The following LCP1 variants were observed in gnomAD, a reference collection of about 807,000 sequenced individuals.
LCP1 encodes the protein lymphocyte cytosolic protein 1.
In LCP1, 23 loss-of-function variants were observed where a neutral mutation model predicts 72.0. That is an observed-to-expected ratio of 0.32 (90% CI 0.23 to 0.45). The LOEUF (loss-of-function observed/expected upper bound fraction) is 0.45, where lower values mean the gene tolerates loss of function less well. Among genes scored for constraint, LCP1 ranks in the 20% least tolerant of loss-of-function variants. The pLI is 1.00. For missense variants in LCP1, 571 were observed against 748.3 expected (o/e 0.76, Z 2.76); for synonymous variants, 245 against 275.4 (o/e 0.89, Z 1.09).
intron 1 of LCP1, among the ~76,000 whole-genome samples, chr13:46,163,508 C>A (rs1377742173): frequency 2.6e-5 from 4 of 152,120 alleles, no homozygotes; most frequent in African/African-American, 9.7e-5. Flanking sequence ...CGGAAGGCCG[C>A]AGGGTCCTCT....
chr13:46,148,224 GT>G, intron 9 of LCP1, 127 bp downstream of exon 9: 3 of 644,594 alleles, frequency 4.7e-6, no homozygotes, highest in Non-Finnish European at 8.2e-6. Flanking sequence ...CAGTTTTACC[GT>G]TTTAACAGGG....
At chr13:46,150,891 C>A in intron 8 of LCP1, 45 bp downstream of exon 8, 2 of 1,577,272 alleles carry the variant, frequency 1.3e-6, no homozygotes, top group South Asian at 2.3e-5. Context: ...CCCAAATTCC[C>A]CTTCACTCCT....
At chr13:46,134,094 A>C in intron 14 of LCP1, 33 bp downstream of exon 14, 1 of 1,610,736 alleles carries the variant, frequency 6.2e-7, no homozygotes, top group Non-Finnish European at 8.5e-7. Flanking sequence ...CATAGAGCTC[A>C]GATGGCCTCT....
rs939639740 is a variant in LCP1 at position 46,148,861 on chromosome 13, G to A, written c.883-414C>T. The A allele has an allele frequency of 1.1e-5, 8 of 749,922 alleles. No individual in the cohort carries two copies. The South Asian group carries it at 2.4e-4, about 23-fold the overall frequency. 46.5% of individuals were successfully genotyped at this position (749,922 alleles called of 1,614,324 possible). A position where few individuals can be genotyped will look rare whatever the true frequency, so the allele number is the denominator to read the frequency against. On this transcript the variant is annotated intron_variant, in intron 8 of 15. Coordinates refer to ENST00000323076, the MANE Select transcript of LCP1 (RefSeq NM_002298.5). ...GAAAAAGGAAGCACAAGTTTAAAGC[G>A]AGTTTAAAATACATTTAAATGGACA...
intron 4 of LCP1, among the ~76,000 whole-genome samples, chr13:46,157,211 T>C (rs529282228): frequency 1.3e-5 from 2 of 151,220 alleles, no homozygotes; most frequent in South Asian, 4.1e-4. Context: ...TTTCTATATA[T>C]AAATACATAA....
chr13:46,166,491 G>A (rs2045877139), intron 1 of LCP1, among the ~76,000 whole-genome samples: 1 of 152,160 alleles, frequency 6.6e-6, no homozygotes, highest in African/African-American at 2.4e-5. Flanking sequence ...TGATTCAGTA[G>A]TTAAAGTCAA....
At chr13:46,139,254 C>G (rs933036415) in intron 13 of LCP1, among the ~76,000 whole-genome samples, 2 of 152,146 alleles carry the variant, frequency 1.3e-5, no homozygotes, top group African/African-American at 4.8e-5. Flanking sequence ...CCAGGGGAGC[C>G]TTATGACATC....
In LCP1 at chr13:46,142,276, C is replaced by G. The variant is rs1249165482; in HGVS notation, c.1502+16G>C. On this transcript the variant is annotated intron_variant, in intron 13 of 15. Coordinates refer to ENST00000323076, the MANE Select transcript of LCP1 (RefSeq NM_002298.5). ...TAATGTATTCAAGAAAAAGCCACTT[C>G]CATAAGCTATACTACCTTCTCATTA... 4 of 1,610,888 alleles carry G rather than the reference C, an allele frequency of 2.5e-6. No homozygotes were observed. The Admixed American group carries it at 6.7e-5, about 27-fold the overall frequency.
intron 13 of LCP1, among the ~76,000 whole-genome samples, chr13:46,136,850 T>C (rs904223299): frequency 6.6e-6 from 1 of 152,178 alleles, no homozygotes; most frequent in Non-Finnish European, 1.5e-5. Context: ...TAGCTTCTCT[T>C]GTCCTGAGAC....
intron 4 of LCP1, among the ~76,000 whole-genome samples, chr13:46,157,741 C>CTTTTTTTTTT (rs548259648): frequency 2.0e-5 from 2 of 99,790 alleles, no homozygotes; most frequent in Non-Finnish European, 3.9e-5. Flanking sequence ...CATGACTTAT[C>CTTTTTTTTTT]TTTTTTTTTT....
chr13:46,142,792 TG>T (rs2045706270), intron 12 of LCP1: 1 of 468,664 alleles, frequency 2.1e-6, no homozygotes, highest in Admixed American at 2.3e-5. Context: ...CTCCATCCTC[TG>T]CACACATAGC....
At chr13:46,148,224 G>A (rs776079689) in intron 9 of LCP1, 128 bp downstream of exon 9, 111 of 644,474 alleles carry the variant, frequency 1.7e-4, no homozygotes, top group East Asian at 2.6e-4. Flanking sequence ...CAGTTTTACC[G>A]TTTTAACAGG....
In LCP1 at chr13:46,158,909, T is replaced by C; in HGVS notation, c.145A>G (p.Arg49Gly). ...AGGTTTTCTGTAATTTCTCGTACTC[T>C]ATACCCAGGCAAAGGCAAGCAAGCA... is the stretch of plus-strand genomic sequence containing the variant. ...KAACLPLPGY[R>G]VREITENLMA... Residue 49 changes from arginine to glycine, a missense_variant, in exon 3 of 16, where the codon AGA becomes GGA. Arg to Gly is a moderately radical substitution (Grantham distance 125). Coordinates refer to ENST00000323076, the MANE Select transcript of LCP1 (RefSeq NM_002298.5). The C allele has an allele frequency of 6.2e-7, 1 of 1,614,220 alleles. No individual in the cohort carries two copies. The highest frequency in any genetic ancestry group is 8.5e-7 in the Non-Finnish European group (1 of 1,180,032).
At chr13:46,145,760 T>C (rs1422829177) in intron 10 of LCP1, among the ~76,000 whole-genome samples, 1 of 115,576 alleles carries the variant, frequency 8.7e-6, no homozygotes, top group Admixed American at 9.2e-5. Flanking sequence ...ATACAAAAAA[T>C]TAGCCGGGCG....
At chr13:46,170,214 A>G (rs2045898331) in intron 1 of LCP1, among the ~76,000 whole-genome samples, 2 of 152,228 alleles carry the variant, frequency 1.3e-5, no homozygotes, top group Non-Finnish European at 2.9e-5. Flanking sequence ...GACACCCAAA[A>G]CAAGGCTACT....
At chr13:46,151,125 G>A in intron 7 of LCP1, 47 bp from the exon 8 acceptor site, 8 of 1,575,864 alleles carry the variant, frequency 5.1e-6, no homozygotes, top group South Asian at 1.2e-5. Flanking sequence ...GCGATGTTGG[G>A]GGAGGGGGGT....
intron 1 of LCP1, among the ~76,000 whole-genome samples, chr13:46,180,121 G>A (rs1593969284): frequency 6.6e-6 from 1 of 152,082 alleles, no homozygotes; most frequent in Admixed American, 6.5e-5. Context: ...GGGAGGATCT[G>A]TAACACACAC....
chr13:46,147,754 C>G (rs1237863784), intron 9 of LCP1, among the ~76,000 whole-genome samples: 2 of 152,058 alleles, frequency 1.3e-5, no homozygotes, highest in African/African-American at 4.8e-5. Context: ...GACTCTTAAC[C>G]CTAAAATTTT....
intron 1 of LCP1, among the ~76,000 whole-genome samples, chr13:46,178,701 T>C (rs780046404): frequency 1.3e-4 from 20 of 152,194 alleles, no homozygotes; most frequent in Non-Finnish European, 2.2e-4. Context: ...ATAGTATCAT[T>C]TCATTTGATA....
Sources: gnomAD v4.1 joint callset for allele counts (sites outside exome capture counted in the v4.1 genomes callset) on GRCh38, gnomAD v4.1.1 for gene constraint, MANE v1.5 for transcripts, NCBI Gene and HGNC (gene_info 2026-07-23, HGNC 2026-07-21) for gene names.